Variants in ZMYM1 observed in about 807,000 individuals in gnomAD.
ZMYM1 encodes zinc finger MYM-type protein 1.
Under a neutral mutation model 60.0 loss-of-function variants are expected in ZMYM1, and 39 were observed. The observed-to-expected ratio is 0.65, with a 90% confidence interval of 0.50 to 0.85. The LOEUF is 0.85. Among genes scored for constraint, ZMYM1 ranks in the 40% least tolerant of loss-of-function variants. The pLI, the probability that ZMYM1 is intolerant of heterozygous loss-of-function variation, is 0.00. For missense variants in ZMYM1, 1,171 were observed against 1,309.5 expected (o/e 0.89, Z 1.63); for synonymous variants, 413 against 454.0 (o/e 0.91, Z 1.15).
At chr1:35,066,649 C>T (rs1189338516) in intron 1 of ZMYM1, among the ~76,000 whole-genome samples, 2 of 152,072 alleles carry the variant, frequency 1.3e-5, no homozygotes, top group Non-Finnish European at 2.9e-5. Flanking sequence ...TATAGGTGTT[C>T]GTGATTGAAA....
intron 4 of ZMYM1, among the ~76,000 whole-genome samples, chr1:35,101,494 T>G (rs1216099426): frequency 6.7e-6 from 1 of 149,584 alleles, no homozygotes; most frequent in Non-Finnish European, 1.5e-5. Flanking sequence ...AGAAGCATTT[T>G]CAGACTTCCA....
chr1:35,083,774 C>CA (rs1557642693), intron 1 of ZMYM1, among the ~76,000 whole-genome samples: 1 of 152,074 alleles, frequency 6.6e-6, no homozygotes, highest in East Asian at 1.9e-4. Flanking sequence ...CATCCACCAC[C>CA]ATGCCCAGCT....
At chr1:35,101,236 G>C (rs1166405774) in intron 4 of ZMYM1, among the ~76,000 whole-genome samples, 1 of 150,804 alleles carries the variant, frequency 6.6e-6, no homozygotes, top group Admixed American at 6.7e-5. Flanking sequence ...AGCCTCCCTA[G>C]TAACTGGGAT....
At chr1:35,065,970 C>G (rs760925194) in intron 1 of ZMYM1, among the ~76,000 whole-genome samples, 3 of 152,064 alleles carry the variant, frequency 2.0e-5, no homozygotes, top group Non-Finnish European at 2.9e-5. Flanking sequence ...AAAACAAAAA[C>G]TAGCAAAACC....
At chr1:35,109,985 TG>T (rs776405486) in intron 6 of ZMYM1, among the ~76,000 whole-genome samples, 2 of 152,124 alleles carry the variant, frequency 1.3e-5, no homozygotes, top group Non-Finnish European at 2.9e-5. Flanking sequence ...TGACCTCAGG[TG>T]ATCTGCCTGC....
At position 35,111,900 on chromosome 1, in the gene ZMYM1, G is replaced by C. The variant is rs529460037; in HGVS notation, c.1090G>C (p.Asp364His). 1 of 1,589,864 alleles carries C rather than the reference G, an allele frequency of 6.3e-7. No individual in the cohort carries two copies. Among genetic ancestry groups the C allele is most frequent in the African/African-American group, 1.3e-5 (1 of 74,256 alleles). ...TGTTGCCTTGCCCATCATGAACACT[G>C]ATGTCTTACAAGGTAAAAGTTGATG... is the stretch of plus-strand genomic sequence containing the variant. ...TDVALPIMNT[D>H]VLQDTVSSVT... Residue 364 changes from aspartate to histidine, a missense_variant, in exon 8 of 10, where the codon GAT becomes CAT. By Grantham distance (81) the Asp-to-His change is moderately conservative (BLOSUM62 -1). Coordinates refer to ENST00000359858, the MANE Select transcript of ZMYM1 (RefSeq NM_024772.5).
intron 1 of ZMYM1, among the ~76,000 whole-genome samples, chr1:35,061,783 GA>G (rs926990774): frequency 9.5e-5 from 14 of 147,746 alleles, no homozygotes; most frequent in African/African-American, 3.6e-4. Flanking sequence ...GTCAAAAAAA[GA>G]AAAAAAGAAA....
chr1:35,101,034 C>A (rs901518857), intron 4 of ZMYM1, among the ~76,000 whole-genome samples: 1 of 151,682 alleles, frequency 6.6e-6, no homozygotes, highest in Non-Finnish European at 1.5e-5. Flanking sequence ...AACTCCTGGG[C>A]TCAAGTGATC....
At chr1:35,096,231 G>A (rs1643307954) in intron 3 of ZMYM1, among the ~76,000 whole-genome samples, 1 of 150,716 alleles carries the variant, frequency 6.6e-6, no homozygotes. Flanking sequence ...AGATTTGCTT[G>A]AACCTGGGAG....
At chr1:35,084,660 A>C (rs2148494219) in intron 1 of ZMYM1, among the ~76,000 whole-genome samples, 1 of 152,338 alleles carries the variant, frequency 6.6e-6, no homozygotes, top group South Asian at 2.1e-4. Flanking sequence ...CTGGTCTTAA[A>C]TTTCAACTCT....
intron 4 of ZMYM1, among the ~76,000 whole-genome samples, chr1:35,102,810 G>A (rs1643727261): frequency 6.6e-6 from 1 of 152,092 alleles, no homozygotes. Flanking sequence ...GTGTACAGAA[G>A]TACTTTATGC....
Position 35,114,894 on chromosome 1 carries a change from G to A in ZMYM1, c.3064G>A (p.Asp1022Asn), listed in dbSNP as rs1283764320. The A allele has an allele frequency of 6.2e-7, 1 of 1,610,396 alleles. No individual in the cohort carries two copies. The highest frequency in any genetic ancestry group is 8.5e-7 in the Non-Finnish European group (1 of 1,177,160). The change falls in exon 10 of 10, where the codon GAC becomes AAC. Residue 1022 changes from aspartate (D) to asparagine (N), a missense_variant. Asp to Asn is a conservative substitution (Grantham distance 23). Coordinates refer to ENST00000359858, the MANE Select transcript of ZMYM1 (RefSeq NM_024772.5). ...HVQEFYKLDEDIIPELRFYRH... is the reference protein window; with the variant it reads ...HVQEFYKLDENIIPELRFYRH... ...TCAGGAATTTTATAAACTTGATGAG[G>A]ACATTATCCCAGAACTTAGATTTTA...
intron 2 of ZMYM1, among the ~76,000 whole-genome samples, chr1:35,095,058 CAT>C (rs1643234331): frequency 2.6e-5 from 4 of 152,068 alleles, no homozygotes; most frequent in Non-Finnish European, 4.4e-5. Flanking sequence ...ATTGCTTCTT[CAT>C]GCCATGGACA....
chr1:35,104,496 G>A (rs770865317), intron 5 of ZMYM1, 27 bp downstream of exon 5: 1 of 1,610,510 alleles, frequency 6.2e-7, no homozygotes, highest in East Asian at 2.2e-5. Context: ...ACCTTTACAG[G>A]GATTCTGATG....
chr1:35,118,464 G>A (rs181312290), downstream of ZMYM1, among the ~76,000 whole-genome samples: 33 of 151,860 alleles, frequency 2.2e-4, no homozygotes, highest in Admixed American at 4.6e-4. Context: ...GGTGGCTCAC[G>A]CCTGTAATCC....
chr1:35,104,474 G>A lies in ZMYM1; in HGVS notation c.594+5G>A. 6.2e-7 allele frequency: 1 copy of A among 1,608,884 alleles called. No individual in the cohort carries two copies. The highest frequency in any genetic ancestry group is 1.1e-5 in the South Asian group (1 of 90,714). ...ATGTGCCAGAAGACTGCTATTGTAAGTTCCAATTATAACCTTTACAGGGAT... is the reference window on the plus strand; with the variant it reads ...ATGTGCCAGAAGACTGCTATTGTAAATTCCAATTATAACCTTTACAGGGAT... On this transcript the variant is annotated splice_donor_5th_base_variant and intron_variant, in intron 5 of 9. Transcript: ENST00000359858.
intron 6 of ZMYM1, among the ~76,000 whole-genome samples, chr1:35,107,003 C>T (rs1419558690): frequency 2.0e-5 from 3 of 151,774 alleles, no homozygotes; most frequent in Non-Finnish European, 2.9e-5. Flanking sequence ...AGGTGCCCAC[C>T]ACCACGTCTG....
chr1:35,069,838 G>A (rs903336821), intron 1 of ZMYM1, among the ~76,000 whole-genome samples: 1 of 152,156 alleles, frequency 6.6e-6, no homozygotes, highest in African/African-American at 2.4e-5. Context: ...GTTTATTGAA[G>A]AAACTGTCTT....
chr1:35,083,819 C>T (rs1642516146), intron 1 of ZMYM1, among the ~76,000 whole-genome samples: 1 of 152,058 alleles, frequency 6.6e-6, no homozygotes, highest in Non-Finnish European at 1.5e-5. Flanking sequence ...ATGAGGGTCT[C>T]ACTATGTCAC....
Sources: gnomAD v4.1 joint callset for allele counts (sites outside exome capture counted in the v4.1 genomes callset) on GRCh38, gnomAD v4.1.1 for gene constraint, MANE v1.5 for transcripts, NCBI Gene and HGNC (gene_info 2026-07-23, HGNC 2026-07-21) for gene names.